Variants in ATXN8OS observed in about 807,000 individuals in gnomAD.
ATXN8OS encodes ATXN8 opposite strand lncRNA, also known as ATXN8 opposite strand (non-protein coding).
At position 70,171,427 on chromosome 13, in the gene ATXN8OS, T is replaced by G. The variant is rs879622886; in HGVS notation, n.2248T>G. Among the ~76,000 whole-genome samples, 3 of 152,044 alleles carry G rather than the reference T, an allele frequency of 2.0e-5. 1 individual carries two copies. Among genetic ancestry groups the G allele is most frequent in the Non-Finnish European group, 4.4e-5 (3 of 67,984 alleles). On this transcript the variant is annotated non_coding_transcript_exon_variant, in exon 5 of 5. Transcript: ENST00000678624. The stretch of plus-strand genomic sequence containing the variant: ...AAATTGCTCTGGGTGAGTCACTGAG[T>G]GAATGAGTGGTGAATGGATGTGATG...
intron 2 of ATXN8OS, among the ~76,000 whole-genome samples, chr13:70,124,495 G>A (rs1015588757): frequency 6.6e-6 from 1 of 152,036 alleles, no homozygotes. Context: ...GAGGGTGGAC[G>A]GGAGTTTAGC....
Position 70,155,110 on chromosome 13 carries a change from T to C in ATXN8OS, n.573+7682T>C, listed in dbSNP as rs1028157637. On this transcript the variant is annotated intron_variant and non_coding_transcript_variant, in intron 4 of 4. Coordinates refer to ENST00000678624, the Ensembl canonical transcript of ATXN8OS. ...GGGCCTGAGTGCATTCAATAAAGAT[T>C]CTCCTGTTTCAACCCGAGGTCTCTC... Among the ~76,000 whole-genome samples, 11 of 152,320 alleles carry C rather than the reference T, an allele frequency of 7.2e-5. No homozygotes were observed. The South Asian group carries it at 1.2e-3, about 17-fold the overall frequency.
chr13:70,120,037 G>C (rs79149303), intron 2 of ATXN8OS, among the ~76,000 whole-genome samples: 1 of 152,158 alleles, frequency 6.6e-6, no homozygotes, highest in East Asian at 1.9e-4. Context: ...CATGTGACAC[G>C]TAAGAATTGA....
At chr13:70,142,509 T>C (rs994227311) in intron 3 of ATXN8OS, among the ~76,000 whole-genome samples, 1 of 152,208 alleles carries the variant, frequency 6.6e-6, no homozygotes, top group Non-Finnish European at 1.5e-5. Context: ...TTGTGTAGTA[T>C]GATGTTTGTA....
intron 1 of ATXN8OS, among the ~76,000 whole-genome samples, chr13:70,111,748 AT>A (rs546183615): frequency 6.6e-6 from 1 of 151,874 alleles, no homozygotes; most frequent in Non-Finnish European, 1.5e-5. Context: ...AGGAAAAGCA[AT>A]TTTTTTTGTA....
intron 3 of ATXN8OS, chr13:70,130,623 A>C (rs1446096576): frequency 1.0e-5 from 4 of 397,992 alleles, no homozygotes; most frequent in Admixed American, 4.4e-5. Flanking sequence ...TAAGTAATGC[A>C]GAGCAACAAA....
intron 3 of ATXN8OS, among the ~76,000 whole-genome samples, chr13:70,143,098 C>T (rs2137493835): frequency 6.6e-6 from 1 of 150,570 alleles, no homozygotes; most frequent in East Asian, 2.1e-4. Flanking sequence ...ATGTACATGA[C>T]ATTTACAAAT....
At chr13:70,107,740 G>A (rs773878923), upstream of ATXN8OS, 4 of 1,461,036 alleles carry the variant, frequency 2.7e-6, no homozygotes, top group East Asian at 2.3e-5. Context: ...GCTCACGCAG[G>A]AGTAGGCTGG....
chr13:70,139,150 C>T (rs979317950), intron 3 of ATXN8OS: 1 of 414,154 alleles, frequency 2.4e-6, no homozygotes, highest in African/African-American at 2.0e-5. Flanking sequence ...GACTAACCAT[C>T]TTGACCTGTC....
At chr13:70,156,241 A>ATAAG (rs1439264670) in intron 4 of ATXN8OS, among the ~76,000 whole-genome samples, 39 of 116,702 alleles carry the variant, frequency 3.3e-4, no homozygotes, top group African/African-American at 6.9e-4. Flanking sequence ...ATGGGTGGGT[A>ATAAG]TGAGTGTGTG....
chr13:70,159,520 T>C (rs1032765532), intron 4 of ATXN8OS, among the ~76,000 whole-genome samples: 1 of 152,152 alleles, frequency 6.6e-6, no homozygotes, highest in Non-Finnish European at 1.5e-5. Flanking sequence ...TCCTAGTTTA[T>C]CATGAACTTT....
intron 3 of ATXN8OS, chr13:70,139,148 A>G (rs1252576113): frequency 4.8e-6 from 2 of 414,318 alleles, no homozygotes; most frequent in Non-Finnish European, 8.5e-6. Context: ...CAGACTAACC[A>G]TCTTGACCTG....
At chr13:70,129,551 T>A (rs1381836581) in intron 2 of ATXN8OS, among the ~76,000 whole-genome samples, 1 of 152,182 alleles carries the variant, frequency 6.6e-6, no homozygotes, top group Non-Finnish European at 1.5e-5. Flanking sequence ...GGTCATGTAA[T>A]GCAATATATT....
intron 3 of ATXN8OS, among the ~76,000 whole-genome samples, chr13:70,136,160 T>C (rs979770503): frequency 1.3e-5 from 2 of 152,180 alleles, no homozygotes; most frequent in Admixed American, 1.3e-4. Context: ...TGCCTGTGAT[T>C]GGCTGAAGCT....
At chr13:70,142,971 G>T (rs1249681437) in intron 3 of ATXN8OS, among the ~76,000 whole-genome samples, 3 of 151,972 alleles carry the variant, frequency 2.0e-5, no homozygotes, top group Non-Finnish European at 1.5e-5. Flanking sequence ...TACTCAGGAG[G>T]CTGAGGCAGG....
chr13:70,152,165 A>G (rs1249455823), intron 4 of ATXN8OS, among the ~76,000 whole-genome samples: 3 of 151,970 alleles, frequency 2.0e-5, no homozygotes, highest in Non-Finnish European at 4.4e-5. Context: ...CACTGAGACA[A>G]TGAATTCACA....
intron 2 of ATXN8OS, among the ~76,000 whole-genome samples, chr13:70,122,954 CTT>C (rs1197485035): frequency 6.6e-6 from 1 of 151,956 alleles, no homozygotes; most frequent in Non-Finnish European, 1.5e-5. Flanking sequence ...CTCTTAGAGA[CTT>C]TGTTTTCTAA....
intron 4 of ATXN8OS, among the ~76,000 whole-genome samples, chr13:70,158,302 C>T (rs1236512860): frequency 6.6e-6 from 1 of 152,148 alleles, no homozygotes; most frequent in Admixed American, 6.5e-5. Context: ...CCTGTAATCT[C>T]AGCTACTTGG....
chr13:70,141,361 C>A (rs1404703665), intron 3 of ATXN8OS, among the ~76,000 whole-genome samples: 1 of 152,178 alleles, frequency 6.6e-6, no homozygotes, highest in Non-Finnish European at 1.5e-5. Flanking sequence ...CATGTGGCAA[C>A]CCCTACAGAT....
Sources: allele counts gnomAD v4.1 joint callset (sites outside exome capture counted in the v4.1 genomes callset), GRCh38; gene constraint gnomAD v4.1.1; transcripts MANE v1.5; gene names NCBI Gene and HGNC (gene_info 2026-07-23, HGNC 2026-07-21).